Variants in NSA2 observed in about 807,000 individuals in gnomAD.
NSA2 encodes the protein ribosome biogenesis protein NSA2 homolog.
NSA2 carries 18 observed loss-of-function variants against 34.8 expected under a neutral mutation model. The observed-to-expected ratio is 0.52, with a 90% CI of 0.36 to 0.77. The LOEUF (loss-of-function observed/expected upper bound fraction) is 0.77, where lower values mean the gene tolerates loss of function less well. Ranked by LOEUF, NSA2 falls within the 30% of genes least tolerant of loss-of-function variation. The probability of loss-of-function intolerance (pLI) is 0.00; values close to 1 mark genes in which losing one functional copy is unlikely to be tolerated. For missense variants in NSA2, 188 were observed against 314.7 expected (o/e 0.60, Z 3.05); for synonymous variants, 79 against 100.2 (o/e 0.79, Z 1.26).
chr5:74,771,978 G>C (rs1161624085), intron 4 of NSA2, among the ~76,000 whole-genome samples: 3 of 152,126 alleles, frequency 2.0e-5, no homozygotes, highest in Non-Finnish European at 4.4e-5. Context: ...CACCCCTGGG[G>C]AGAAACATAG....
intron 5 of NSA2, among the ~76,000 whole-genome samples, chr5:74,774,585 CAG>C (rs1171139487): frequency 3.9e-5 from 6 of 151,974 alleles, no homozygotes; most frequent in African/African-American, 1.5e-4. Context: ...GACTGGGAGA[CAG>C]AGCAAATCTC....
chr5:74,776,422 T>G (rs1745124465), intron 5 of NSA2, among the ~76,000 whole-genome samples, 182 bp from the exon 6 acceptor site: 1 of 152,138 alleles, frequency 6.6e-6, no homozygotes, highest in South Asian at 2.1e-4. Flanking sequence ...GAGAATCGCT[T>G]GAGCCCAGGA....
chr5:74,774,391 C>A (rs1446527104), intron 5 of NSA2, among the ~76,000 whole-genome samples: 1 of 152,104 alleles, frequency 6.6e-6, no homozygotes, highest in East Asian at 1.9e-4. Context: ...CACCTGAAGT[C>A]AGGAGTTTGA....
chr5:74,769,828 A>G (rs925762865), intron 3 of NSA2, among the ~76,000 whole-genome samples: 10 of 152,346 alleles, frequency 6.6e-5, no homozygotes, highest in Admixed American at 3.9e-4. Context: ...CAGTATTTAT[A>G]TTTAAAGAAT....
At chr5:74,770,197 G>A (rs1299301598) in intron 3 of NSA2, among the ~76,000 whole-genome samples, 1 of 152,042 alleles carries the variant, frequency 6.6e-6, no homozygotes, top group East Asian at 1.9e-4. Context: ...TGGGTGTGGT[G>A]GTGTGTGTCT....
chr5:74,775,331 G>T (rs1477744496), intron 5 of NSA2, among the ~76,000 whole-genome samples: 4 of 151,812 alleles, frequency 2.6e-5, no homozygotes, highest in African/African-American at 9.7e-5. Context: ...AAGCCCCCTC[G>T]CTATCTGGGC....
At chr5:74,772,758 T>G (rs896143566) in intron 4 of NSA2, among the ~76,000 whole-genome samples, 1 of 152,202 alleles carries the variant, frequency 6.6e-6, no homozygotes, top group Non-Finnish European at 1.5e-5. Context: ...TTTCACAGAT[T>G]TGTCATTATA....
chr5:74,778,663 A>G lies in NSA2; in HGVS notation c.*1992A>G, dbSNP rs1745246449. ...GAGGAGCTTTATAATAAATTCTTAA[A>G]TATACTAATTTCTGTGATGTCTAGC... On this transcript the variant is annotated 3_prime_UTR_variant, in exon 6 of 6. Transcript: ENST00000610426. 6.6e-6 allele frequency: 1 copy of G among 152,108 alleles called. No individual in the cohort carries two copies. The highest frequency in any genetic ancestry group is 6.5e-5 in the Admixed American group (1 of 15,278). 9.4% of individuals were successfully genotyped at this position (152,108 alleles called of 1,614,324 possible).
chr5:74,767,256 C>T lies in NSA2; in HGVS notation c.-105C>T. The T allele has an allele frequency of 7.1e-7, 1 of 1,416,386 alleles. No homozygotes were observed. The highest frequency in any genetic ancestry group is 9.9e-7 in the Non-Finnish European group (1 of 1,007,836). 87.7% of individuals were successfully genotyped at this position (1,416,386 alleles called of 1,614,324 possible). A position where few individuals can be genotyped will look rare whatever the true frequency, so the allele number is the denominator to read the frequency against. On this transcript the variant is annotated 5_prime_UTR_variant, in exon 1 of 6. Transcript: ENST00000610426. ...CGGCCGTTTTAAAGGGTGACTCTTTCCTGTCCCGGCCTGCGTGGTGTGGGC... is the reference window on the plus strand; with the variant it reads ...CGGCCGTTTTAAAGGGTGACTCTTTTCTGTCCCGGCCTGCGTGGTGTGGGC...
chr5:74,772,539 T>C (rs2112419771), intron 4 of NSA2, among the ~76,000 whole-genome samples: 1 of 152,326 alleles, frequency 6.6e-6, no homozygotes, highest in African/African-American at 2.4e-5. Flanking sequence ...ACCCCTAGAA[T>C]TGAGCAGTTG....
rs1467966972 is a variant in NSA2 at position 74,778,844 on chromosome 5, A to G, written c.*2173A>G. 6.6e-6 allele frequency: 1 copy of G among 152,104 alleles called. No homozygotes were observed. Among genetic ancestry groups the G allele is most frequent in the Non-Finnish European group, 1.5e-5 (1 of 67,926 alleles). The allele number at this position is 152,104 out of a possible 1,614,324, so 9.4% of individuals were successfully genotyped here. ...TAATGTGACTGGACATTCAACAACT[A>G]GACTAGCCGGTTGAAATCACATTTT... On this transcript the variant is annotated 3_prime_UTR_variant, in exon 6 of 6. Transcript: ENST00000610426.
chr5:74,772,365 C>A (rs894765427), intron 4 of NSA2, among the ~76,000 whole-genome samples: 11 of 152,190 alleles, frequency 7.2e-5, no homozygotes, highest in African/African-American at 2.6e-4. Context: ...GTGATCCGCC[C>A]GCCTTAGCCT....
chr5:74,773,112 C>T (rs1744998140), intron 4 of NSA2, among the ~76,000 whole-genome samples: 2 of 152,136 alleles, frequency 1.3e-5, no homozygotes, highest in African/African-American at 4.8e-5. Context: ...CTGTTTACCA[C>T]TCACCATTTA....
intron 4 of NSA2, among the ~76,000 whole-genome samples, chr5:74,771,024 T>A (rs1474404707): frequency 3.3e-5 from 5 of 152,196 alleles, no homozygotes; most frequent in Non-Finnish European, 7.3e-5. Context: ...ACACCTGTAA[T>A]CCCAGCACTT....
intron 4 of NSA2, chr5:74,771,558 C>G (rs913448730): frequency 1.3e-5 from 2 of 150,690 alleles, no homozygotes; most frequent in Non-Finnish European, 3.0e-5. Flanking sequence ...TTTTGAAAAT[C>G]ATTGAAAAGC....
At position 74,778,548 on chromosome 5, in the gene NSA2, C is replaced by CT. The variant is rs1426671279; in HGVS notation, c.*1877_*1878insT. Reference sequence around the variant, plus strand: ...TGAATGGAAATACCATGAATATAGACACATTTTAAGTAGAAGACTGACGTT... The same window carrying CT: ...TGAATGGAAATACCATGAATATAGACTACATTTTAAGTAGAAGACTGACGTT... On this transcript the variant is annotated 3_prime_UTR_variant, in exon 6 of 6. Coordinates refer to ENST00000610426, the MANE Select transcript of NSA2 (RefSeq NM_014886.6). 8.5e-5 allele frequency: 13 copies of CT among 152,088 alleles called. No homozygotes were observed. In the East Asian group the frequency reaches 2.3e-3, roughly 27 times the overall value. The allele number at this position is 152,088 out of a possible 1,614,324, so 9.4% of individuals were successfully genotyped here.
At position 74,769,356 on chromosome 5, in the gene NSA2, G is replaced by T. The variant is rs1316544923; in HGVS notation, c.334G>T (p.Glu112Ter). Residue 112 changes from glutamate (E) to a stop codon, truncating the protein, a stop_gained, in exon 3 of 6, where the codon GAG becomes TAG. Coordinates refer to ENST00000610426, the MANE Select transcript of NSA2 (RefSeq NM_014886.6). LOFTEE classifies it high-confidence loss of function. Reference sequence around the variant, plus strand: ...CAATATGATTAAACAGAAAAGAAAAGAGAAGGCGGTAAGCAATAACAATTG... The same window carrying T: ...CAATATGATTAAACAGAAAAGAAAATAGAAGGCGGTAAGCAATAACAATTG... ...LSNMIKQKRK[E>*]KAGKWEVPLP... 2 of 1,601,710 alleles carry T rather than the reference G, an allele frequency of 1.2e-6. No individual in the cohort carries two copies. Among genetic ancestry groups the T allele is most frequent in the African/African-American group, 2.7e-5 (2 of 74,080 alleles).
intron 1 of NSA2, among the ~76,000 whole-genome samples, chr5:74,768,091 G>C (rs1244993089): frequency 6.6e-6 from 1 of 152,208 alleles, no homozygotes; most frequent in African/African-American, 2.4e-5. Context: ...CCCATACATT[G>C]CTGGTGAAAA....
chr5:74,776,503 T>A, intron 5 of NSA2, 101 bp from the exon 6 acceptor site: 1 of 679,364 alleles, frequency 1.5e-6, no homozygotes, highest in Non-Finnish European at 2.6e-6. Context: ...AACCCTGTAT[T>A]AAGACAAAAA....
Sources: allele counts gnomAD v4.1 joint callset (sites outside exome capture counted in the v4.1 genomes callset), GRCh38; gene constraint gnomAD v4.1.1; transcripts MANE v1.5; gene names NCBI Gene and HGNC (gene_info 2026-07-23, HGNC 2026-07-21).